The following CTNNA2 variants were observed in gnomAD, a reference collection of about 807,000 sequenced individuals.
CTNNA2 encodes catenin alpha-2.
CTNNA2 carries 42 observed loss-of-function variants against 101.0 expected under a neutral mutation model. That is an observed-to-expected ratio of 0.42 (90% CI 0.32 to 0.54). CTNNA2 has a LOEUF of 0.54. Among genes scored for constraint, CTNNA2 ranks in the 20% least tolerant of loss-of-function variants. The probability of loss-of-function intolerance (pLI) is 0.14; values close to 1 mark genes in which losing one functional copy is unlikely to be tolerated. For missense variants in CTNNA2, 871 were observed against 1,223.1 expected (o/e 0.71, Z 4.29); for synonymous variants, 450 against 456.4 (o/e 0.99, Z 0.18).
intron 3 of CTNNA2, among the ~76,000 whole-genome samples, chr2:79,328,274 T>G (rs896774799): frequency 6.6e-6 from 1 of 151,984 alleles, no homozygotes; most frequent in Admixed American, 6.5e-5. Context: ...AGAGGAAGCA[T>G]GTTTTCAAGG....
intron 2 of CTNNA2, among the ~76,000 whole-genome samples, chr2:79,727,944 T>A (rs1350387032): frequency 5.9e-5 from 9 of 151,834 alleles, no homozygotes; most frequent in African/African-American, 1.2e-4. Context: ...TCCATGGTGT[T>A]TATGTGCCAC....
At chr2:79,486,476 G>T (rs952590561) in intron 4 of CTNNA2, among the ~76,000 whole-genome samples, 1 of 152,098 alleles carries the variant, frequency 6.6e-6, no homozygotes, top group African/African-American at 2.4e-5. Context: ...GTCTATCATT[G>T]TTGGACATTT....
chr2:79,853,403 A>G (rs1328740473), intron 3 of CTNNA2, among the ~76,000 whole-genome samples: 1 of 152,152 alleles, frequency 6.6e-6, no homozygotes, highest in African/African-American at 2.4e-5. Context: ...AAGATCATCA[A>G]CAATTCTGAG....
At chr2:80,644,524 A>G (rs3770380) in intron 18 of CTNNA2, among the ~76,000 whole-genome samples, 101,226 of 152,018 alleles carry the variant, frequency 0.67, 34,431 homozygotes, top group African/African-American at 0.81. Context: ...CAATTGGAAA[A>G]CAGAGTTTTG....
intron 3 of CTNNA2, among the ~76,000 whole-genome samples, chr2:79,816,559 T>G (rs958137327): frequency 7.9e-5 from 12 of 152,206 alleles, no homozygotes; most frequent in Non-Finnish European, 1.6e-4. Context: ...AGCATATATC[T>G]CCTTACTAGG....
chr2:80,007,912 T>C (rs1479265078), intron 7 of CTNNA2, among the ~76,000 whole-genome samples: 1 of 152,164 alleles, frequency 6.6e-6, no homozygotes, highest in East Asian at 1.9e-4. Flanking sequence ...CTTGCACAAT[T>C]CCTCAACCTC....
At chr2:79,748,134 G>A (rs977163461) in intron 3 of CTNNA2, among the ~76,000 whole-genome samples, 16 of 152,044 alleles carry the variant, frequency 1.1e-4, no homozygotes, top group East Asian at 3.9e-4. Flanking sequence ...AGCACAGCTC[G>A]TCATTATGTA....
At chr2:80,117,455 A>AGTGTGT (rs59521287) in intron 7 of CTNNA2, among the ~76,000 whole-genome samples, 14,210 of 145,472 alleles carry the variant, frequency 0.098, 666 homozygotes, top group Admixed American at 0.13. Flanking sequence ...TTCCTGTGTG[A>AGTGTGT]GTGTGTGTGT....
At chr2:79,940,993 T>G (rs1688120349) in intron 7 of CTNNA2, among the ~76,000 whole-genome samples, 1 of 152,040 alleles carries the variant, frequency 6.6e-6, no homozygotes. Flanking sequence ...CCCAAAAGAG[T>G]GATCTTTATA....
chr2:79,867,796 G>A (rs148571817), intron 4 of CTNNA2, among the ~76,000 whole-genome samples: 2 of 152,126 alleles, frequency 1.3e-5, no homozygotes, highest in East Asian at 3.9e-4. Context: ...CCAGAATTTA[G>A]CTCCCTCTGA....
intron 3 of CTNNA2, among the ~76,000 whole-genome samples, chr2:79,816,205 G>A (rs1378055764): frequency 6.6e-6 from 1 of 152,076 alleles, no homozygotes; most frequent in East Asian, 1.9e-4. Flanking sequence ...AGCAATGAGT[G>A]ACAGTATGAC....
intron 16 of CTNNA2, among the ~76,000 whole-genome samples, chr2:80,607,922 A>G (rs1300307163): frequency 1.3e-5 from 2 of 151,900 alleles, no homozygotes; most frequent in Non-Finnish European, 1.5e-5. Context: ...AGGTAAAAAT[A>G]CTCATAAACA....
intron 9 of CTNNA2, among the ~76,000 whole-genome samples, chr2:80,479,464 T>C (rs1488469775): frequency 6.6e-6 from 1 of 152,116 alleles, no homozygotes; most frequent in African/African-American, 2.4e-5. Flanking sequence ...TGACAAACCC[T>C]ATGGGGAACA....
intron 7 of CTNNA2, among the ~76,000 whole-genome samples, chr2:80,347,912 T>TG (rs1267870530): frequency 1.3e-5 from 2 of 150,908 alleles, no homozygotes; most frequent in Admixed American, 6.6e-5. Flanking sequence ...GGGAGCACCT[T>TG]GGGGGGAGTT....
At chr2:79,899,794 T>C (rs931577217) in intron 6 of CTNNA2, among the ~76,000 whole-genome samples, 15 of 152,150 alleles carry the variant, frequency 9.9e-5, no homozygotes, top group African/African-American at 3.6e-4. Flanking sequence ...TCTAAAATGG[T>C]GGTTAGAATT....
chr2:79,544,058 C>G (rs1673579867), intron 1 of CTNNA2, among the ~76,000 whole-genome samples: 2 of 152,074 alleles, frequency 1.3e-5, no homozygotes, highest in African/African-American at 4.8e-5. Context: ...CTTGCCCAGC[C>G]TCCTGAGTAG....
At chr2:80,431,527 A>C (rs910447135) in intron 9 of CTNNA2, among the ~76,000 whole-genome samples, 3 of 152,136 alleles carry the variant, frequency 2.0e-5, no homozygotes, top group African/African-American at 7.2e-5. Context: ...TTTGTGGTTG[A>C]ATCTTGAATT....
At chr2:80,523,636 A>C (rs889309031) in intron 9 of CTNNA2, among the ~76,000 whole-genome samples, 2 of 152,088 alleles carry the variant, frequency 1.3e-5, no homozygotes, top group African/African-American at 4.8e-5. Flanking sequence ...CCCCTGTTGT[A>C]AGGGTGTAAG....
At chr2:79,383,708 C>T (rs1405642408) in intron 4 of CTNNA2, among the ~76,000 whole-genome samples, 1 of 152,150 alleles carries the variant, frequency 6.6e-6, no homozygotes, top group African/African-American at 2.4e-5. Context: ...TTTAAGCAGC[C>T]ATAGCAGCAT....
Sources: allele counts gnomAD v4.1 joint callset (sites outside exome capture counted in the v4.1 genomes callset), GRCh38; gene constraint gnomAD v4.1.1; transcripts MANE v1.5; gene names NCBI Gene and HGNC (gene_info 2026-07-23, HGNC 2026-07-21).